STAG2: variants seen among roughly 807,000 people sequenced by gnomAD.
STAG2 encodes STAG2 cohesin complex component.
Under a neutral mutation model 108.1 loss-of-function variants are expected in STAG2, and 14 were observed. The observed-to-expected ratio is 0.13, with a 90% CI of 0.09 to 0.20. STAG2 has a LOEUF of 0.20. Ranked by LOEUF, STAG2 falls within the 10% of genes least tolerant of loss-of-function variation. STAG2 has a pLI of 1.00. For missense variants in STAG2, 440 were observed against 940.9 expected (o/e 0.47, Z 6.96); for synonymous variants, 307 against 302.7 (o/e 1.01, Z -0.15).
chrX:123,983,895 G>A (rs2055009844), intron 1 of STAG2, among the ~76,000 whole-genome samples: 1 of 109,038 alleles, frequency 9.2e-6, no homozygotes, highest in Admixed American at 9.8e-5. Flanking sequence ...GAAGTTAGGG[G>A]CAAATAAAAC....
intron 1 of STAG2, among the ~76,000 whole-genome samples, chrX:123,986,160 TG>T (rs1332056274): frequency 9.3e-6 from 1 of 107,044 alleles, no homozygotes; most frequent in Admixed American, 1.0e-4. Context: ...ATGATATATA[TG>T]ATACATATGT....
intron 1 of STAG2, among the ~76,000 whole-genome samples, chrX:123,992,009 A>G (rs967118674): frequency 8.9e-6 from 1 of 112,754 alleles, no homozygotes; most frequent in African/African-American, 3.2e-5. Flanking sequence ...TGCTATTACA[A>G]GTAATCTAGA....
chrX:124,053,407 T>A (rs2148245434), intron 13 of STAG2, among the ~76,000 whole-genome samples: 1 of 111,775 alleles, frequency 8.9e-6, no homozygotes, highest in Non-Finnish European at 1.9e-5. Context: ...GCTTGTAATC[T>A]TCCCATTCTG....
At chrX:124,100,492 GTATT>G in intron 34 of STAG2, 78 bp from the exon 35 acceptor site, 2 of 821,057 alleles carry the variant, frequency 2.4e-6, no homozygotes, top group Non-Finnish European at 3.6e-6. Flanking sequence ...ACATAATAAA[GTATT>G]AATGTAATAT....
At position 123,976,293 on chromosome X, in the gene STAG2, ATGAAAT is replaced by A. The variant is rs767466608; in HGVS notation, c.-163+14439_-163+14444del. 1.6e-3 allele frequency among the ~76,000 whole-genome samples: 180 copies of A among 112,088 alleles called. 1 individual carries two copies. In the Middle Eastern group the frequency reaches 0.028, roughly 17 times the overall value. The stretch of plus-strand genomic sequence containing the variant: ...TTCTCTTAAAAAAAAATTTAAAAAG[ATGAAAT>A]TAAATTTTAAAAAAGAAAGATTTGT... On this transcript the variant is annotated intron_variant, in intron 1 of 34. Transcript: ENST00000371145.
chrX:124,094,966 T>G (rs950164162), intron 33 of STAG2, among the ~76,000 whole-genome samples: 4 of 111,026 alleles, frequency 3.6e-5, no homozygotes, highest in African/African-American at 1.3e-4. Flanking sequence ...CTTGCTCTGT[T>G]GCCCAGACTT....
intron 33 of STAG2, 40 bp from the exon 34 acceptor site, chrX:124,095,332 T>C (rs763498077): frequency 1.1e-5 from 12 of 1,080,325 alleles, no homozygotes; most frequent in African/African-American, 1.1e-4. Flanking sequence ...TTTGTAGATA[T>C]AGCTAAACTA....
intron 11 of STAG2, 141 bp from the exon 12 acceptor site, chrX:124,050,980 A>G: frequency 2.5e-6 from 1 of 403,751 alleles, no homozygotes; most frequent in Non-Finnish European, 4.2e-6. Flanking sequence ...ATTATCAAAC[A>G]TGATAGTTTC....
In STAG2 at chrX:124,009,392, C is replaced by CAGGT. The variant is rs748240892; in HGVS notation, c.-162-11924_-162-11921dup. Among the ~76,000 whole-genome samples, 388 of 90,530 alleles carry CAGGT rather than the reference C, an allele frequency of 4.3e-3. 3 individuals are homozygous for CAGGT. The highest frequency in any genetic ancestry group is 0.015 in the African/African-American group (378 of 24,491). The allele number at this position is 90,530 out of a possible 115,157, so 78.6% of individuals were successfully genotyped here. ...TGATATCTGGTACCAGTAATCTAAC[C>CAGGT]AGGTAGGTAGGTAGGTAGGTAGGTA... On this transcript the variant is annotated intron_variant, in intron 1 of 34. Transcript: ENST00000371145.
chrX:124,044,145 G>C (rs1296701288), intron 7 of STAG2, among the ~76,000 whole-genome samples: 1 of 111,016 alleles, frequency 9.0e-6, no homozygotes, highest in Admixed American at 9.6e-5. Flanking sequence ...ATTTTGAATA[G>C]TGGCATTTTT....
chrX:124,052,005 A>G lies in STAG2; in HGVS notation c.1196+611A>G, dbSNP rs529992960. Among the ~76,000 whole-genome samples, 5 of 112,363 alleles carry G rather than the reference A, an allele frequency of 4.4e-5. No homozygotes were observed. The South Asian group carries it at 1.8e-3, about 41-fold the overall frequency. On this transcript the variant is annotated intron_variant, in intron 13 of 34. Coordinates refer to ENST00000371145, the MANE Select transcript of STAG2 (RefSeq NM_001042750.2). ...CTTGAAATAAGCACATCAGTGTATT[A>G]AAAAACATGCTTATTGTATTTTGTT...
At chrX:124,099,807 T>G (rs1419872901) in intron 34 of STAG2, among the ~76,000 whole-genome samples, 1 of 111,807 alleles carries the variant, frequency 8.9e-6, no homozygotes, top group East Asian at 2.8e-4. Flanking sequence ...AGTGCTAGAA[T>G]TTTAATTGAA....
intron 7 of STAG2, among the ~76,000 whole-genome samples, chrX:124,043,934 C>A (rs1049056225): frequency 1.8e-5 from 2 of 111,259 alleles, no homozygotes; most frequent in African/African-American, 6.5e-5. Context: ...TATTTCAGCA[C>A]CAGTACTTTT....
chrX:124,012,936 G>T (rs2147929327), intron 1 of STAG2, among the ~76,000 whole-genome samples: 1 of 111,548 alleles, frequency 9.0e-6, no homozygotes, highest in South Asian at 3.7e-4. Flanking sequence ...AATCTATTGA[G>T]AGTATGTGAA....
intron 1 of STAG2, among the ~76,000 whole-genome samples, chrX:123,967,125 T>TC (rs1485426711): frequency 9.0e-6 from 1 of 110,715 alleles, no homozygotes; most frequent in Non-Finnish European, 1.9e-5. Flanking sequence ...CCTCAGGTGA[T>TC]CCACCCACCA....
At chrX:124,086,223 TA>T (rs1359531279) in intron 29 of STAG2, among the ~76,000 whole-genome samples, 1 of 111,614 alleles carries the variant, frequency 9.0e-6, no homozygotes, top group Non-Finnish European at 1.9e-5. Context: ...CAAAATTACA[TA>T]TAAGCCTTGA....
rs148937756 is a variant in STAG2 at position 124,010,063 on chromosome X, A to C, written c.-162-11304A>C. Among the ~76,000 whole-genome samples the C allele has an allele frequency of 5.1e-3, 570 of 111,799 alleles. 3 individuals are homozygous for C. Among genetic ancestry groups the C allele is most frequent in the African/African-American group, 0.017 (534 of 30,783 alleles). On this transcript the variant is annotated intron_variant, in intron 1 of 34. Transcript: ENST00000371145. ...GGTGTTCTTAAATGATCGATGATTT[A>C]AGTAAAATCCTGTGAGTTTATACCA...
intron 13 of STAG2, among the ~76,000 whole-genome samples, chrX:124,054,243 G>T (rs148053096): frequency 1.8e-5 from 2 of 112,220 alleles, no homozygotes; most frequent in African/African-American, 6.5e-5. Flanking sequence ...AATTAAATTA[G>T]TATGTAAGAT....
intron 32 of STAG2, among the ~76,000 whole-genome samples, chrX:124,091,809 T>C (rs1401635048): frequency 8.9e-6 from 1 of 112,835 alleles, no homozygotes; most frequent in Non-Finnish European, 1.9e-5. Flanking sequence ...TAAATGTTCA[T>C]TGAATGAATA....
Sources: allele counts gnomAD v4.1 joint callset (sites outside exome capture counted in the v4.1 genomes callset), GRCh38; gene constraint gnomAD v4.1.1; transcripts MANE v1.5; gene names NCBI Gene and HGNC (gene_info 2026-07-23, HGNC 2026-07-21).